USP43: variants seen among roughly 807,000 people sequenced by gnomAD.
The protein encoded by USP43 is ubiquitin specific peptidase 43.
In USP43, 33 loss-of-function variants were observed where a neutral mutation model predicts 90.7. That is an observed-to-expected ratio of 0.36 (90% CI 0.28 to 0.49). The LOEUF (loss-of-function observed/expected upper bound fraction) is 0.49, where lower values mean the gene tolerates loss of function less well. Among genes scored for constraint, USP43 ranks in the 20% least tolerant of loss-of-function variants. The pLI, the probability that USP43 is intolerant of heterozygous loss-of-function variation, is 0.98. For synonymous variants in USP43, 598 were observed against 615.8 expected (o/e 0.97, Z 0.43); for missense variants, 1,274 against 1,476.4 (o/e 0.86, Z 2.25).
intron 9 of USP43, among the ~76,000 whole-genome samples, chr17:9,698,620 TCA>T (rs1472029139): frequency 3.9e-5 from 6 of 152,314 alleles, no homozygotes; most frequent in South Asian, 4.1e-4. Flanking sequence ...GCAGATAATC[TCA>T]CCCTCTAGTG....
Position 9,701,283 on chromosome 17 carries a change from G to T in USP43, c.1662+38G>T. 1 of 1,596,718 alleles carries T rather than the reference G, an allele frequency of 6.3e-7. No homozygotes were observed. Among genetic ancestry groups the T allele is most frequent in the Non-Finnish European group, 8.5e-7 (1 of 1,170,996 alleles). ...GGGTCCATGCCCCGGCCGGGAAGGG[G>T]GCTGGCTGCCTTTGGTGGGTTGGCC... is the stretch of plus-strand genomic sequence containing the variant. On this transcript the variant is annotated intron_variant, in intron 11 of 14. Transcript: ENST00000285199. The surrounding 1 kb of genome is among the most constrained non-coding windows in gnomAD (Gnocchi z 7.2).
Position 9,701,049 on chromosome 17 carries a change from G to T in USP43, c.1536-70G>T. On this transcript the variant is annotated intron_variant, in intron 10 of 14. Transcript: ENST00000285199. The surrounding 1 kb of genome is among the most constrained non-coding windows in gnomAD (Gnocchi z 7.2). ...ATGTCTGCTGACGGGTTTGCTGTGA[G>T]TAGAGACATAGACGAAACCTGTCTG... 2.8e-6 allele frequency: 4 copies of T among 1,426,888 alleles called. No individual in the cohort carries two copies. In the Admixed American group the frequency reaches 1.2e-4, roughly 42 times the overall value. 88.4% of individuals were successfully genotyped at this position (1,426,888 alleles called of 1,614,324 possible). A position where few individuals can be genotyped will look rare whatever the true frequency, so the allele number is the denominator to read the frequency against.
chr17:9,712,044 G>A lies in USP43; in HGVS notation c.2247G>A (p.Leu749=), dbSNP rs1235849612. The A allele has an allele frequency of 1.6e-5, 25 of 1,612,700 alleles. No individual in the cohort carries two copies. The highest frequency in any genetic ancestry group is 2.1e-5 in the Non-Finnish European group (25 of 1,179,388). ...GSHAGSTRGS[L]LSWSSAPCPS... The stretch of plus-strand genomic sequence containing the variant: ...ACGCTGGCAGCACAAGGGGAAGCCT[G>A]CTGTCCTGGAGCTCTGCCCCCTGCC... The change falls in exon 14 of 15, where the codon CTG becomes CTA. Residue 749 remains leucine (L), a synonymous_variant. Coordinates refer to ENST00000285199, the MANE Select transcript of USP43 (RefSeq NM_153210.5).
At chr17:9,698,559 A>G (rs1409400255) in intron 9 of USP43, among the ~76,000 whole-genome samples, 1 of 152,194 alleles carries the variant, frequency 6.6e-6, no homozygotes, top group South Asian at 2.1e-4. Context: ...GCATCGCTCC[A>G]TACACATTGA....
rs1915069981 is a variant in USP43 at position 9,693,282 on chromosome 17, C to G, written c.1457+52C>G. ...AGCTAATGAACCCTTTCTTATTTTA[C>G]CAGAGTCCTTTGAGGGTATATGTCA... On this transcript the variant is annotated intron_variant, in intron 9 of 14. Coordinates refer to ENST00000285199, the MANE Select transcript of USP43 (RefSeq NM_153210.5). 5 of 1,447,390 alleles carry G rather than the reference C, an allele frequency of 3.5e-6. No individual in the cohort carries two copies. The Admixed American group carries it at 7.7e-5, about 22-fold the overall frequency. 89.7% of individuals were successfully genotyped at this position (1,447,390 alleles called of 1,614,324 possible). A position where few individuals can be genotyped will look rare whatever the true frequency, so the allele number is the denominator to read the frequency against.
rs144399251 is a variant in USP43 at position 9,729,039 on chromosome 17, A to G, written c.*49A>G. ...CGCTGGCATTCTTGGGACTTTGCCAAGCAACTGTAGGCAGCTCATGTTGAG... is the reference window on the plus strand; with the variant it reads ...CGCTGGCATTCTTGGGACTTTGCCAGGCAACTGTAGGCAGCTCATGTTGAG... On this transcript the variant is annotated 3_prime_UTR_variant, in exon 15 of 15. Transcript: ENST00000285199. 4.1e-6 allele frequency: 6 copies of G among 1,480,862 alleles called. No individual in the cohort carries two copies. In the African/African-American group the frequency reaches 8.5e-5, roughly 21 times the overall value. 91.7% of individuals were successfully genotyped at this position (1,480,862 alleles called of 1,614,324 possible).
At chr17:9,719,276 A>G (rs1449674517) in intron 14 of USP43, among the ~76,000 whole-genome samples, 3 of 152,186 alleles carry the variant, frequency 2.0e-5, no homozygotes, top group Non-Finnish European at 4.4e-5. Context: ...CCAAGGAGAA[A>G]TGTGCTTGAT....
chr17:9,728,285 G>A lies in USP43; in HGVS notation c.2667G>A (p.Gly889=), dbSNP rs977233987. Residue 889 remains glycine (G), a synonymous_variant, in exon 15 of 15, where the codon GGG becomes GGA. Coordinates refer to ENST00000285199, the MANE Select transcript of USP43 (RefSeq NM_153210.5). The surrounding 1 kb of genome is among the most constrained non-coding windows in gnomAD (Gnocchi z 6.2). ...GGGCCATTGAAAGAGGTCCAGCCGG[G>A]GTGCCCTGTCCCTCGGCTCAACCCA... ...GGRAIERGPA[G]VPCPSAQPNH... The A allele has an allele frequency of 1.2e-6, 2 of 1,613,392 alleles. No homozygotes were observed. The highest frequency in any genetic ancestry group is 3.3e-5 in the Admixed American group (2 of 59,942).
chr17:9,690,886 C>G (rs558072853), intron 8 of USP43, among the ~76,000 whole-genome samples: 1 of 152,164 alleles, frequency 6.6e-6, no homozygotes, highest in East Asian at 1.9e-4. Context: ...CTGTCTCAAA[C>G]AAACAAACAA....
At chr17:9,646,579 C>A (rs1911420072) in intron 1 of USP43, among the ~76,000 whole-genome samples, 1 of 152,120 alleles carries the variant, frequency 6.6e-6, no homozygotes, top group African/African-American at 2.4e-5. Context: ...TCAGGGCAAG[C>A]TGTAGGACTA....
At chr17:9,721,245 A>G (rs1292329238) in intron 14 of USP43, among the ~76,000 whole-genome samples, 3 of 152,162 alleles carry the variant, frequency 2.0e-5, no homozygotes, top group Non-Finnish European at 2.9e-5. Flanking sequence ...GCTTCTGATG[A>G]TAAGTTTCCT....
intron 1 of USP43, among the ~76,000 whole-genome samples, chr17:9,650,361 A>G (rs8081709): frequency 0.026 from 3,972 of 152,266 alleles, 173 homozygotes; most frequent in African/African-American, 0.09. Context: ...CAAATGTGTG[A>G]ACCTGTGTAG....
chr17:9,700,083 C>A, intron 9 of USP43, 89 bp from the exon 10 acceptor site: 1 of 1,268,970 alleles, frequency 7.9e-7, no homozygotes, highest in Non-Finnish European at 1.1e-6. Context: ...AACATCAGTC[C>A]TTGGGTTGTG....
At chr17:9,721,103 TACA>T (rs1167825424) in intron 14 of USP43, among the ~76,000 whole-genome samples, 1 of 152,106 alleles carries the variant, frequency 6.6e-6, no homozygotes, top group Non-Finnish European at 1.5e-5. Context: ...AAAAGAATAT[TACA>T]ACATCTTACT....
chr17:9,724,583 G>A (rs1374901773), intron 14 of USP43, among the ~76,000 whole-genome samples: 1 of 152,208 alleles, frequency 6.6e-6, no homozygotes, highest in Admixed American at 6.5e-5. Flanking sequence ...GGGAGGCTGA[G>A]GCAGGAGAAT....
chr17:9,707,846 G>A, intron 12 of USP43, among the ~76,000 whole-genome samples: 1 of 152,156 alleles, frequency 6.6e-6, no homozygotes, highest in East Asian at 1.9e-4. Context: ...AGGTCCTGGA[G>A]CTTCAGTGAT....
At chr17:9,677,113 A>G (rs1228857654) in intron 5 of USP43, among the ~76,000 whole-genome samples, 1 of 152,160 alleles carries the variant, frequency 6.6e-6, no homozygotes, top group Non-Finnish European at 1.5e-5. Context: ...GGCAATGACA[A>G]TTATGATCAT....
intron 14 of USP43, among the ~76,000 whole-genome samples, chr17:9,722,458 A>G (rs143448985): frequency 2.0e-5 from 3 of 152,200 alleles, no homozygotes; most frequent in African/African-American, 7.2e-5. Flanking sequence ...CAGCTGCGAA[A>G]CTTGATTTTG....
rs372111163 is a variant in USP43, at chr17:9,686,878, G to T, written c.1322G>T (p.Arg441Leu). ...CAGCAGTCTATCCTCAGCAAGGTCC[G>T]CCATCTTATGAAGAGTGAGGCCCCT... ...QLQQSILSKV[R>L]HLMKSEAPVQ... The change falls in exon 8 of 15, where the codon CGC (arginine) becomes CTC (leucine). Residue 441 changes from arginine (R) to leucine (L), a missense_variant. Physicochemically the swap from Arg to Leu is moderately radical, Grantham distance 102. Transcript: ENST00000285199. The surrounding 1 kb of genome is among the most constrained non-coding windows in gnomAD (Gnocchi z 5.5). 6.2e-7 allele frequency: 1 copy of T among 1,613,650 alleles called. No individual in the cohort carries two copies. Among genetic ancestry groups the T allele is most frequent in the South Asian group, 1.1e-5 (1 of 91,062 alleles).
Sources: gnomAD v4.1 joint callset for allele counts (sites outside exome capture counted in the v4.1 genomes callset) on GRCh38, gnomAD v4.1.1 for gene constraint, Gnocchi (gnomAD v3.1) non-coding constraint, MANE v1.5 for transcripts, NCBI Gene and HGNC (gene_info 2026-07-23, HGNC 2026-07-21) for gene names.